SIRT4: variants seen among roughly 807,000 people sequenced by gnomAD.
SIRT4 encodes the protein NAD-dependent protein lipoamidase sirtuin-4, mitochondrial.
A neutral mutation model predicts 26.1 loss-of-function variants in SIRT4; 23 were observed. The ratio of observed to expected loss-of-function variants is 0.88; its 90% CI spans 0.63 to 1.25. The LOEUF (loss-of-function observed/expected upper bound fraction) is 1.25, where lower values mean the gene tolerates loss of function less well. Among genes scored for constraint, SIRT4 ranks in the 50% most tolerant of loss-of-function variants. The pLI is 0.00. For missense variants in SIRT4, 361 were observed against 405.4 expected (o/e 0.89, Z 0.94); for synonymous variants, 155 against 158.4 (o/e 0.98, Z 0.16).
chr12:120,312,785 G>C (rs371039592), intron 3 of SIRT4, 35 bp downstream of exon 3: 2 of 1,606,328 alleles, frequency 1.2e-6, no homozygotes, highest in African/African-American at 2.7e-5. Flanking sequence ...ACCACCCCTT[G>C]TGCGGGATTG....
chr12:120,313,172 C>T lies in SIRT4; in HGVS notation c.*136C>T. On this transcript the variant is annotated 3_prime_UTR_variant, in exon 4 of 4. Transcript: ENST00000202967. Reference sequence around the variant, plus strand: ...GTGCACTGACAAAGTATAGAAGGTTCTAGGTATCTTAATGTGTGGATATTC... The same window carrying T: ...GTGCACTGACAAAGTATAGAAGGTTTTAGGTATCTTAATGTGTGGATATTC... The T allele has an allele frequency of 1.1e-6, 1 of 930,472 alleles. No homozygotes were observed. Among genetic ancestry groups the T allele is most frequent in the East Asian group, 2.4e-5 (1 of 41,026 alleles). 57.6% of individuals were successfully genotyped at this position (930,472 alleles called of 1,614,324 possible).
chr12:120,297,959 G>T (rs1012257819), upstream of SIRT4, among the ~76,000 whole-genome samples: 1 of 151,892 alleles, frequency 6.6e-6, no homozygotes, highest in African/African-American at 2.4e-5. Flanking sequence ...AGCAGATGTG[G>T]TCAGGTTAAC....
intron 2 of SIRT4, among the ~76,000 whole-genome samples, chr12:120,310,784 G>A (rs1051237856): frequency 6.6e-6 from 1 of 150,908 alleles, no homozygotes; most frequent in Non-Finnish European, 1.5e-5. Context: ...TGCCCAGGCT[G>A]GAGTGCAGTG....
Position 120,312,629 on chromosome 12 carries a change from G to A in SIRT4, c.671G>A (p.Gly224Glu), listed in dbSNP as rs767356067. 44 of 1,614,110 alleles carry A rather than the reference G, an allele frequency of 2.7e-5. 3 individuals carry two copies. The South Asian group carries it at 4.8e-4, about 18-fold the overall frequency. The change falls in exon 3 of 4, where the codon GGA becomes GAA. Residue 224 changes from glycine to glutamate, a missense_variant. Transcript: ENST00000202967. ...CAGGTCCCAACCTGCGTTCAATGTG[G>A]AGGCCATCTGAAACCAGATGTCGTT... ...SFQVPTCVQC[G>E]GHLKPDVVFF...
At chr12:120,311,085 G>T (rs1382721019) in intron 2 of SIRT4, among the ~76,000 whole-genome samples, 2 of 144,296 alleles carry the variant, frequency 1.4e-5, no homozygotes, top group African/African-American at 5.1e-5. Context: ...TAGGCCGGGC[G>T]CAGTGGCTCA....
At chr12:120,298,962 C>T (rs1480037347), upstream of SIRT4, among the ~76,000 whole-genome samples, 9 of 146,158 alleles carry the variant, frequency 6.2e-5, no homozygotes, top group Admixed American at 6.2e-4. Flanking sequence ...CGCGGTGGCT[C>T]ACGCCTGTAA....
chr12:120,297,233 A>AATACATACATACATAC, the SIRT4 span, among the ~76,000 whole-genome samples: 1 of 134,350 alleles, frequency 7.4e-6, no homozygotes, highest in African/African-American at 3.1e-5. Flanking sequence ...AAAATAAATA[A>AATACATACATACATAC]ATACATACAT....
chr12:120,302,600 G>C (rs945960816), intron 1 of SIRT4, among the ~76,000 whole-genome samples: 86 of 152,226 alleles, frequency 5.6e-4, no homozygotes, highest in African/African-American at 1.9e-3. Flanking sequence ...GGAGAAAGCG[G>C]GGTCCTGATC....
the SIRT4 span, among the ~76,000 whole-genome samples, chr12:120,292,926 G>A: frequency 3.9e-5 from 6 of 152,306 alleles, no homozygotes; most frequent in South Asian, 2.1e-4. Context: ...TTTCATAAAC[G>A]CAAATCACTA....
chr12:120,294,614 G>C, the SIRT4 span, among the ~76,000 whole-genome samples: 1 of 152,014 alleles, frequency 6.6e-6, no homozygotes, highest in African/African-American at 2.4e-5. Flanking sequence ...GAATGCAGTG[G>C]CGCGATCTCA....
chr12:120,292,213 G>A, the SIRT4 span, among the ~76,000 whole-genome samples: 2 of 152,216 alleles, frequency 1.3e-5, no homozygotes, highest in African/African-American at 4.8e-5. Flanking sequence ...CGAGCCTGGA[G>A]GGCGCAGACG....
the SIRT4 span, chr12:120,292,962 C>T: frequency 3.9e-5 from 6 of 152,114 alleles, no homozygotes; most frequent in Non-Finnish European, 7.3e-5. Context: ...CAGGTGCTCT[C>T]GCGAATCAGC....
upstream of SIRT4, among the ~76,000 whole-genome samples, chr12:120,297,526 A>G (rs1592891598): frequency 6.6e-6 from 1 of 151,646 alleles, no homozygotes; most frequent in South Asian, 2.1e-4. Flanking sequence ...CAAAGCATAC[A>G]AAAATTAAAA....
intron 2 of SIRT4, among the ~76,000 whole-genome samples, chr12:120,311,236 T>C (rs1323106109): frequency 6.7e-6 from 1 of 150,068 alleles, no homozygotes; most frequent in Non-Finnish European, 1.5e-5. Context: ...ATGCCTGTAA[T>C]CCCAGCTACT....
chr12:120,293,104 A>T, the SIRT4 span: 1 of 152,310 alleles, frequency 6.6e-6, no homozygotes, highest in East Asian at 1.9e-4. Context: ...CAGTCTCCGT[A>T]GAGACTGTCA....
At chr12:120,311,521 C>T (rs1262396164) in intron 2 of SIRT4, among the ~76,000 whole-genome samples, 4 of 151,130 alleles carry the variant, frequency 2.6e-5, no homozygotes, top group East Asian at 3.9e-4. Context: ...CACCTGAGGT[C>T]GGGAGTTTGA....
chr12:120,304,206 C>A, intron 2 of SIRT4, 148 bp downstream of exon 2: 1 of 1,064,724 alleles, frequency 9.4e-7, no homozygotes, highest in Non-Finnish European at 1.3e-6. Flanking sequence ...CCAGTAAATT[C>A]ATTGACGGAG....
chr12:120,294,808 G>T, the SIRT4 span, among the ~76,000 whole-genome samples: 1 of 149,240 alleles, frequency 6.7e-6, no homozygotes, highest in Admixed American at 6.7e-5. Flanking sequence ...ATGAGCTGCC[G>T]CCCGGACCAA....
At chr12:120,312,099 A>G (rs951003450) in intron 2 of SIRT4, among the ~76,000 whole-genome samples, 15 of 152,098 alleles carry the variant, frequency 9.9e-5, no homozygotes, top group Non-Finnish European at 1.9e-4. Context: ...CCTGGGCGAC[A>G]CAGTGAAACA....
Sources: gnomAD v4.1 joint callset for allele counts (sites outside exome capture counted in the v4.1 genomes callset) on GRCh38, gnomAD v4.1.1 for gene constraint, MANE v1.5 for transcripts, NCBI Gene and HGNC (gene_info 2026-07-23, HGNC 2026-07-21) for gene names.